Variants in TNNI3K observed in about 807,000 individuals in gnomAD.
The protein encoded by TNNI3K is serine/threonine-protein kinase TNNI3K.
A neutral mutation model predicts 114.5 loss-of-function variants in TNNI3K; 140 were observed. The observed-to-expected ratio is 1.22, with a 90% CI of 1.07 to 1.41. The LOEUF (loss-of-function observed/expected upper bound fraction) is 1.41. Among genes scored for constraint, TNNI3K ranks in the 40% most tolerant of loss-of-function variants. TNNI3K has a pLI of 0.00. For missense variants in TNNI3K, 1,125 were observed against 1,007.6 expected, an observed-to-expected ratio of 1.12 and a Z score of -1.58; for synonymous variants, 347 against 347.5, an observed-to-expected ratio of 1.00 and a Z score of 0.02.
chr1:74,353,496 A>G (rs1661492493), intron 10 of TNNI3K, 136 bp downstream of exon 10: 1 of 908,348 alleles, frequency 1.1e-6, no homozygotes, highest in African/African-American at 1.7e-5. Context: ...GCCAGCATTT[A>G]GAATTGATAA....
intron 5 of TNNI3K, among the ~76,000 whole-genome samples, chr1:74,278,040 G>A (rs480267): frequency 0.15 from 22,939 of 151,980 alleles, 1,800 homozygotes; most frequent in South Asian, 0.25. Flanking sequence ...AAGAAGCCTC[G>A]GACCCTGTGT....
intron 4 of TNNI3K, among the ~76,000 whole-genome samples, chr1:74,265,288 C>T (rs186464764): frequency 3.9e-5 from 6 of 152,100 alleles, no homozygotes; most frequent in African/African-American, 1.4e-4. Flanking sequence ...GCCATCAGAT[C>T]CCAATACAGA....
At chr1:74,521,987 G>C (rs534246382) in intron 23 of TNNI3K, among the ~76,000 whole-genome samples, 2 of 152,154 alleles carry the variant, frequency 1.3e-5, no homozygotes, top group Non-Finnish European at 2.9e-5. Flanking sequence ...GATCCAGGTA[G>C]AGTAAAAAAA....
At chr1:74,416,228 G>A (rs968944954) in intron 17 of TNNI3K, 9 of 940,238 alleles carry the variant, frequency 9.6e-6, no homozygotes, top group African/African-American at 1.8e-5. Flanking sequence ...GACGTGAGGA[G>A]TTTAAAAAGC....
At chr1:74,475,026 G>A (rs1668120056) in intron 21 of TNNI3K, among the ~76,000 whole-genome samples, 1 of 150,738 alleles carries the variant, frequency 6.6e-6, no homozygotes, top group Non-Finnish European at 1.5e-5. Flanking sequence ...TTTTAACATT[G>A]TTAGGTGTTG....
At chr1:74,489,155 C>A in intron 21 of TNNI3K, 34 bp from the exon 22 acceptor site, 1 of 1,590,316 alleles carries the variant, frequency 6.3e-7, no homozygotes, top group Non-Finnish European at 8.6e-7. Flanking sequence ...TCCTTTTATT[C>A]TTAAGGGAAA....
chr1:74,422,333 T>C (rs932172325), intron 17 of TNNI3K, among the ~76,000 whole-genome samples: 1 of 152,130 alleles, frequency 6.6e-6, no homozygotes, highest in African/African-American at 2.4e-5. Flanking sequence ...AGGTATTTCA[T>C]TTCCATTATT....
At chr1:74,517,717 G>A (rs1223968267) in intron 23 of TNNI3K, among the ~76,000 whole-genome samples, 1 of 152,052 alleles carries the variant, frequency 6.6e-6, no homozygotes, top group African/African-American at 2.4e-5. Context: ...CTGGTAAACC[G>A]AAAAAGGATT....
chr1:74,456,902 A>T (rs1667249090), intron 20 of TNNI3K, among the ~76,000 whole-genome samples: 1 of 152,176 alleles, frequency 6.6e-6, no homozygotes, highest in Non-Finnish European at 1.5e-5. Context: ...TGGTATTTAA[A>T]AATATGAATT....
intron 5 of TNNI3K, among the ~76,000 whole-genome samples, chr1:74,331,019 CA>C (rs1660170834): frequency 6.6e-6 from 1 of 152,008 alleles, no homozygotes; most frequent in South Asian, 2.1e-4. Flanking sequence ...TTCAGCCAGG[CA>C]GATGGCAATG....
chr1:74,269,775 C>T (rs1231100497), intron 4 of TNNI3K, among the ~76,000 whole-genome samples: 1 of 151,762 alleles, frequency 6.6e-6, no homozygotes, highest in Non-Finnish European at 1.5e-5. Context: ...GGGACTCAGA[C>T]TTAGCAGAGA....
intron 17 of TNNI3K, among the ~76,000 whole-genome samples, chr1:74,419,328 G>A (rs1281768221): frequency 6.6e-6 from 1 of 152,062 alleles, no homozygotes; most frequent in African/African-American, 2.4e-5. Flanking sequence ...AATCCAAGAT[G>A]ATCTCATCTC....
At chr1:74,439,051 A>G (rs1192174778) in intron 19 of TNNI3K, 3 of 152,766 alleles carry the variant, frequency 2.0e-5, no homozygotes, top group African/African-American at 7.2e-5. Context: ...GGTGCCTCCC[A>G]CAGTGTGTGA....
intron 20 of TNNI3K, among the ~76,000 whole-genome samples, chr1:74,442,029 C>T (rs987690255): frequency 1.3e-5 from 2 of 149,916 alleles, no homozygotes; most frequent in African/African-American, 2.5e-5. Context: ...TTTTGCCTTA[C>T]TCAAAGCCAT....
chr1:74,367,815 C>T (rs1041367811), intron 12 of TNNI3K, 93 bp from the exon 13 acceptor site: 23 of 1,225,826 alleles, frequency 1.9e-5, no homozygotes, highest in East Asian at 5.4e-5. Context: ...AGTTTTACTT[C>T]GTTTCGTCAC....
intron 23 of TNNI3K, among the ~76,000 whole-genome samples, chr1:74,497,130 A>T (rs1669368874): frequency 6.6e-6 from 1 of 152,206 alleles, no homozygotes; most frequent in African/African-American, 2.4e-5. Context: ...AATATAACTT[A>T]TAAAATTTTA....
intron 17 of TNNI3K, among the ~76,000 whole-genome samples, chr1:74,394,553 C>A (rs528093816): frequency 1.3e-5 from 2 of 152,142 alleles, no homozygotes; most frequent in Non-Finnish European, 2.9e-5. Flanking sequence ...CCCTTTCCCC[C>A]CTTAGCTGCC....
chr1:74,489,470 T>C (rs952443043), intron 22 of TNNI3K, among the ~76,000 whole-genome samples: 11 of 152,100 alleles, frequency 7.2e-5, no homozygotes, highest in African/African-American at 2.7e-4. Context: ...CAACAAATAA[T>C]AGGGCAGGCA....
intron 20 of TNNI3K, among the ~76,000 whole-genome samples, chr1:74,448,861 T>G (rs1666844076): frequency 1.3e-5 from 1 of 79,494 alleles, no homozygotes; most frequent in South Asian, 5.3e-4. Context: ...TGGATTTGGT[T>G]TGCCAGTATT....
Sources: gnomAD v4.1 joint callset for allele counts (sites outside exome capture counted in the v4.1 genomes callset) on GRCh38, gnomAD v4.1.1 for gene constraint, MANE v1.5 for transcripts, NCBI Gene and HGNC (gene_info 2026-07-23, HGNC 2026-07-21) for gene names.